STXBP4: variants seen among roughly 807,000 people sequenced by gnomAD.
STXBP4 encodes syntaxin binding protein 4.
Under a neutral mutation model 76.1 loss-of-function variants are expected in STXBP4, and 55 were observed. The observed-to-expected ratio is 0.72, with a 90% confidence interval of 0.58 to 0.91. The LOEUF (loss-of-function observed/expected upper bound fraction) is 0.91. Among genes scored for constraint, STXBP4 ranks in the 40% least tolerant of loss-of-function variants. The pLI, the probability that STXBP4 is intolerant of heterozygous loss-of-function variation, is 0.00. For missense variants in STXBP4, 618 were observed against 636.9 expected, an observed-to-expected ratio of 0.97 and a Z score of 0.32; for synonymous variants, 201 against 220.2, an observed-to-expected ratio of 0.91 and a Z score of 0.77.
At chr17:55,102,775 C>T (rs1479683842) in intron 16 of STXBP4, among the ~76,000 whole-genome samples, 1 of 152,164 alleles carries the variant, frequency 6.6e-6, no homozygotes, top group Non-Finnish European at 1.5e-5. Flanking sequence ...TCTTCATATC[C>T]TCTCCAGCAT....
At chr17:55,104,587 TTTG>T (rs777611825) in intron 16 of STXBP4, among the ~76,000 whole-genome samples, 4 of 152,090 alleles carry the variant, frequency 2.6e-5, no homozygotes, top group Non-Finnish European at 4.4e-5. Flanking sequence ...CTTAAATTTT[TTTG>T]TTGTTGTTGT....
At chr17:55,049,277 T>A (rs1019987882) in intron 12 of STXBP4, among the ~76,000 whole-genome samples, 1 of 151,894 alleles carries the variant, frequency 6.6e-6, no homozygotes, top group African/African-American at 2.4e-5. Context: ...AACTAAAAAA[T>A]GCCTAAAATA....
chr17:54,999,182 A>G (rs112898159), intron 4 of STXBP4, among the ~76,000 whole-genome samples, 163 bp from the exon 5 acceptor site: 2,192 of 152,298 alleles, frequency 0.014, 51 homozygotes, highest in African/African-American at 0.049. Flanking sequence ...TTACCAAACC[A>G]GACTTTAATC....
At chr17:55,123,401 C>G (rs749802988) in intron 16 of STXBP4, among the ~76,000 whole-genome samples, 4 of 152,088 alleles carry the variant, frequency 2.6e-5, no homozygotes, top group African/African-American at 4.8e-5. Context: ...CTGAATTAAT[C>G]AGAAATTACT....
chr17:55,141,833 T>C (rs1267352856), intron 17 of STXBP4, among the ~76,000 whole-genome samples: 1 of 152,190 alleles, frequency 6.6e-6, no homozygotes, highest in Non-Finnish European at 1.5e-5. Flanking sequence ...CCTGCAGATA[T>C]AGTGGTGAAA....
intron 10 of STXBP4, among the ~76,000 whole-genome samples, chr17:55,034,788 CTCTT>C (rs1166624354): frequency 1.3e-5 from 2 of 152,084 alleles, no homozygotes; most frequent in Non-Finnish European, 2.9e-5. Flanking sequence ...TGGGTAACTA[CTCTT>C]TCACCTTCTA....
chr17:54,984,468 G>A (rs369030988), intron 1 of STXBP4, among the ~76,000 whole-genome samples: 8 of 148,780 alleles, frequency 5.4e-5, no homozygotes, highest in African/African-American at 1.5e-4. Flanking sequence ...TCAGCCTCCC[G>A]AGTAGCTGGG....
chr17:55,015,194 T>C (rs1244544247), intron 8 of STXBP4, among the ~76,000 whole-genome samples: 1 of 152,202 alleles, frequency 6.6e-6, no homozygotes, highest in Non-Finnish European at 1.5e-5. Context: ...CCCTGTGTTA[T>C]AGTGGACATC....
Position 54,986,028 on chromosome 17 carries a change from A to G in STXBP4, c.-78-114A>G, listed in dbSNP as rs1018116329. On this transcript the variant is annotated intron_variant, in intron 2 of 17. Coordinates refer to ENST00000376352, the MANE Select transcript of STXBP4 (RefSeq NM_178509.6). ...TACATACAATACATCTAACATCTAT[A>G]TACAGGCTTATATTATTTATGTTCC... 2.0e-5 allele frequency: 12 copies of G among 591,408 alleles called. No homozygotes were observed. In the African/African-American group the frequency reaches 2.1e-4, roughly 10 times the overall value. 36.6% of individuals were successfully genotyped at this position (591,408 alleles called of 1,614,324 possible).
intron 9 of STXBP4, among the ~76,000 whole-genome samples, chr17:55,033,200 C>A (rs991920469): frequency 6.6e-6 from 1 of 151,796 alleles, no homozygotes; most frequent in East Asian, 1.9e-4. Context: ...ATGGTGAAAC[C>A]CCGTCTCTAT....
rs955839631 is a variant in STXBP4 at position 55,160,064 on chromosome 17, A to C, written c.*153A>C. The C allele has an allele frequency of 1.9e-6, 1 of 519,900 alleles. No homozygotes were observed. The highest frequency in any genetic ancestry group is 1.9e-5 in the African/African-American group (1 of 51,450). 32.2% of individuals were successfully genotyped at this position (519,900 alleles called of 1,614,324 possible). On this transcript the variant is annotated 3_prime_UTR_variant, in exon 18 of 18. Transcript: ENST00000376352. ...TCTGGACTTTGGGTATTTTTGTAAA[A>C]CTTTTGATATTTCTGTATACATTTA...
the STXBP4 span, among the ~76,000 whole-genome samples, chr17:55,198,394 T>C: frequency 7.4e-4 from 113 of 152,316 alleles, no homozygotes; most frequent in Middle Eastern, 0.01. Flanking sequence ...TCCTCCTGCT[T>C]CAGTGGGAAA....
At chr17:55,087,580 G>T (rs1288549713) in intron 16 of STXBP4, among the ~76,000 whole-genome samples, 1 of 152,048 alleles carries the variant, frequency 6.6e-6, no homozygotes, top group Non-Finnish European at 1.5e-5. Context: ...TTTCTGGGTT[G>T]TCTATTCTGT....
At chr17:55,094,395 G>A (rs887563390) in intron 16 of STXBP4, among the ~76,000 whole-genome samples, 13 of 152,244 alleles carry the variant, frequency 8.5e-5, no homozygotes, top group African/African-American at 3.1e-4. Flanking sequence ...GGCTCTAAGA[G>A]TAGCAAGAGT....
chr17:55,069,966 T>C (rs879595641), intron 12 of STXBP4, among the ~76,000 whole-genome samples: 1 of 151,874 alleles, frequency 6.6e-6, no homozygotes, highest in Non-Finnish European at 1.5e-5. Flanking sequence ...ATTGATTGAA[T>C]GAAAAATGGA....
chr17:55,087,396 T>C (rs1003360298), intron 16 of STXBP4, among the ~76,000 whole-genome samples: 5 of 152,174 alleles, frequency 3.3e-5, no homozygotes, highest in African/African-American at 1.2e-4. Flanking sequence ...AGTAGTTTTA[T>C]ATTCAGATCT....
At chr17:55,149,790 A>T (rs1364295249) in intron 17 of STXBP4, among the ~76,000 whole-genome samples, 2 of 152,162 alleles carry the variant, frequency 1.3e-5, no homozygotes, top group Non-Finnish European at 2.9e-5. Context: ...CTACAAAGAT[A>T]TGTAGGAATA....
chr17:55,188,777 A>C, the STXBP4 span, among the ~76,000 whole-genome samples: 1 of 152,312 alleles, frequency 6.6e-6, no homozygotes, highest in African/African-American at 2.4e-5. Flanking sequence ...CTCAGAGCAA[A>C]ACTATGTTCT....
chr17:55,035,521 T>C (rs2078585454), intron 10 of STXBP4, among the ~76,000 whole-genome samples: 1 of 151,874 alleles, frequency 6.6e-6, no homozygotes, highest in Admixed American at 6.6e-5. Flanking sequence ...CCTATCATTT[T>C]GCTGCAAAAA....
Sources: gnomAD v4.1 joint callset for allele counts (sites outside exome capture counted in the v4.1 genomes callset) on GRCh38, gnomAD v4.1.1 for gene constraint, MANE v1.5 for transcripts, NCBI Gene and HGNC (gene_info 2026-07-23, HGNC 2026-07-21) for gene names.